ITPK1: variants seen among roughly 807,000 people sequenced by gnomAD.
ITPK1 encodes the protein inositol-tetrakisphosphate 1-kinase, also known as inositol 1,3,4-trisphosphate 5/6-kinase.
In ITPK1, 21 loss-of-function variants were observed where a neutral mutation model predicts 45.3. That is an observed-to-expected ratio of 0.46 (90% CI 0.33 to 0.67). ITPK1 has a LOEUF of 0.67. ITPK1 is among the 30% of genes least tolerant of loss of function. ITPK1 has a pLI of 0.02. For synonymous variants in ITPK1, 258 were observed against 253.6 expected (o/e 1.02, Z -0.16); for missense variants, 474 against 573.5 (o/e 0.83, Z 1.77).
In ITPK1 at chr14:93,012,552, T is replaced by A. The variant is rs1887968513; in HGVS notation, c.246+4124A>T. 1.3e-5 allele frequency among the ~76,000 whole-genome samples: 2 copies of A among 152,186 alleles called. No homozygotes were observed. The highest frequency in any genetic ancestry group is 6.5e-5 in the Admixed American group (1 of 15,284). ...AAGCATGGGATGTTTTAAGCCAAGC[T>A]GTGCTGTGATCAGACCTGTGTTTTT... On this transcript the variant is annotated intron_variant, in intron 4 of 10. Transcript: ENST00000267615. This position sits in a 1 kb window ranked among gnomAD's most constrained non-coding sequence, Gnocchi z 4.9.
At chr14:93,020,954 G>C (rs1055444906) in intron 3 of ITPK1, among the ~76,000 whole-genome samples, 2 of 152,040 alleles carry the variant, frequency 1.3e-5, no homozygotes, top group African/African-American at 4.8e-5. Flanking sequence ...GAGGCACAGG[G>C]TGGTTAAATA....
intron 3 of ITPK1, among the ~76,000 whole-genome samples, chr14:93,028,135 C>A (rs1888840174): frequency 1.3e-5 from 2 of 152,196 alleles, no homozygotes; most frequent in Non-Finnish European, 2.9e-5. Flanking sequence ...CGCGTCCTGG[C>A]CAACAGAATG....
At chr14:92,952,547 T>C (rs1439634364) in intron 8 of ITPK1, among the ~76,000 whole-genome samples, 2 of 151,932 alleles carry the variant, frequency 1.3e-5, no homozygotes, top group South Asian at 2.1e-4. Context: ...GGGAAAAAAA[T>C]AGGAAATCAG....
At chr14:92,965,753 C>G (rs1434022536) in intron 5 of ITPK1, among the ~76,000 whole-genome samples, 2 of 152,152 alleles carry the variant, frequency 1.3e-5, no homozygotes, top group Non-Finnish European at 2.9e-5. Flanking sequence ...CCTGTAATCC[C>G]AGCACTTTGG....
rs909830819 is a variant in ITPK1 at position 93,115,771 on chromosome 14, C to CCCGCCG, written c.-148_-143dup. 3 of 149,576 alleles carry CCCGCCG rather than the reference C, an allele frequency of 2.0e-5. No individual in the cohort carries two copies. Among genetic ancestry groups the CCCGCCG allele is most frequent in the Admixed American group, 6.7e-5 (1 of 15,028 alleles). 9.3% of individuals were successfully genotyped at this position (149,576 alleles called of 1,614,324 possible). On this transcript the variant is annotated splice_region_variant and 5_prime_UTR_variant. Coordinates refer to ENST00000267615, the MANE Select transcript of ITPK1 (RefSeq NM_014216.6). ...CACTCGGCCCGGCCAGAGATCCTCACCCGCCGCCGCCGCCGCCACTTCCTC... is the reference window on the plus strand; with the variant it reads ...CACTCGGCCCGGCCAGAGATCCTCACCCGCCGCCGCCGCCGCCGCCGCCACTTCCTC...
chr14:93,112,014 A>G (rs1892775782), intron 2 of ITPK1, among the ~76,000 whole-genome samples: 1 of 151,948 alleles, frequency 6.6e-6, no homozygotes, highest in African/African-American at 2.4e-5. Context: ...GGCTCTAACC[A>G]CCCACTGTTG....
rs1889142510 is a variant in ITPK1 at position 93,032,957 on chromosome 14, G to A, written c.121-16156C>T. Among the ~76,000 whole-genome samples the A allele has an allele frequency of 6.6e-6, 1 of 152,210 alleles. No individual in the cohort carries two copies. The highest frequency in any genetic ancestry group is 1.5e-5 in the Non-Finnish European group (1 of 68,032). On this transcript the variant is annotated intron_variant, in intron 3 of 10. Transcript: ENST00000267615. This position sits in a 1 kb window ranked among gnomAD's most constrained non-coding sequence, Gnocchi z 4.0. Reference sequence around the variant, plus strand: ...GGAGCTGGTGGGCTTCATCTCCCTGGGCAGCAGTTGTGAGCTGCTGAGAAG... The same window carrying A: ...GGAGCTGGTGGGCTTCATCTCCCTGAGCAGCAGTTGTGAGCTGCTGAGAAG...
chr14:93,063,041 A>T lies in ITPK1; in HGVS notation c.120+13554T>A, dbSNP rs1890597994. ...GCATTTGTCAAGATTTAACAAGTTCAGTAAATGTGCGCCCCCACCCCACCC... is the reference window on the plus strand; with the variant it reads ...GCATTTGTCAAGATTTAACAAGTTCTGTAAATGTGCGCCCCCACCCCACCC... On this transcript the variant is annotated intron_variant, in intron 3 of 10. Transcript: ENST00000267615. This position sits in a 1 kb window ranked among gnomAD's most constrained non-coding sequence, Gnocchi z 4.3. 6.6e-6 allele frequency among the ~76,000 whole-genome samples: 1 copy of T among 152,188 alleles called. No homozygotes were observed. The highest frequency in any genetic ancestry group is 2.1e-4 in the South Asian group (1 of 4,824).
chr14:92,959,485 C>T (rs1444472538), intron 7 of ITPK1, among the ~76,000 whole-genome samples: 2 of 152,160 alleles, frequency 1.3e-5, no homozygotes. Flanking sequence ...TGTGTCTGTG[C>T]TGGGGGCGTT....
chr14:92,976,020 TG>T (rs1301965322), intron 5 of ITPK1, among the ~76,000 whole-genome samples: 7 of 152,202 alleles, frequency 4.6e-5, no homozygotes, highest in Non-Finnish European at 5.9e-5. Context: ...AAGAAGGGCA[TG>T]TTTGCTTCCC....
intron 4 of ITPK1, among the ~76,000 whole-genome samples, chr14:93,007,575 A>G (rs150266395): frequency 3.9e-4 from 60 of 152,322 alleles, no homozygotes; most frequent in Non-Finnish European, 7.5e-4. Context: ...ACCTAGGCCA[A>G]CTGGGTCACT....
intron 3 of ITPK1, among the ~76,000 whole-genome samples, chr14:93,064,893 A>G (rs1037378183): frequency 6.6e-6 from 1 of 152,208 alleles, no homozygotes; most frequent in Non-Finnish European, 1.5e-5. Context: ...GAGCCAAGTT[A>G]CAACTCTGGA....
intron 3 of ITPK1, among the ~76,000 whole-genome samples, chr14:93,035,697 T>A (rs781153070): frequency 3.3e-5 from 5 of 152,172 alleles, no homozygotes; most frequent in Admixed American, 6.5e-5. Flanking sequence ...AGGCCCAGAA[T>A]GGGAACAACC....
At chr14:93,104,000 G>A (rs1190165866) in intron 2 of ITPK1, among the ~76,000 whole-genome samples, 1 of 152,222 alleles carries the variant, frequency 6.6e-6, no homozygotes, top group African/African-American at 2.4e-5. Context: ...TGGGCGGGTA[G>A]GAGGGCAGGT....
intron 3 of ITPK1, among the ~76,000 whole-genome samples, chr14:93,062,872 A>G (rs942396201): frequency 2.0e-5 from 3 of 152,168 alleles, no homozygotes; most frequent in Non-Finnish European, 2.9e-5. Context: ...TCCCTGATGG[A>G]CAAAGGAAGG....
chr14:93,058,392 T>C (rs980855749), intron 3 of ITPK1, among the ~76,000 whole-genome samples: 9 of 103,094 alleles, frequency 8.7e-5, no homozygotes, highest in Admixed American at 7.9e-4. Flanking sequence ...GTGGAGGGGG[T>C]GTAGGTCGCA....
chr14:93,015,073 C>G (rs575717396), intron 4 of ITPK1, among the ~76,000 whole-genome samples: 1 of 152,316 alleles, frequency 6.6e-6, no homozygotes, highest in South Asian at 2.1e-4. Flanking sequence ...GAGCAAATGG[C>G]TCAGGGGAGA....
chr14:93,071,999 A>G (rs1039122740), intron 3 of ITPK1: 1 of 152,132 alleles, frequency 6.6e-6, no homozygotes, highest in African/African-American at 2.4e-5. Context: ...ACCTTTAAAA[A>G]TAAACTTAAT....
At chr14:93,060,594 G>A (rs1049656497) in intron 3 of ITPK1, among the ~76,000 whole-genome samples, 1 of 152,174 alleles carries the variant, frequency 6.6e-6, no homozygotes, top group African/African-American at 2.4e-5. Flanking sequence ...ATGCTTGCAA[G>A]GTATTAGGGG....
Sources: allele counts gnomAD v4.1 joint callset (sites outside exome capture counted in the v4.1 genomes callset), GRCh38; gene constraint gnomAD v4.1.1; non-coding constraint Gnocchi (gnomAD v3.1); transcripts MANE v1.5; gene names NCBI Gene and HGNC (gene_info 2026-07-23, HGNC 2026-07-21).